FKBP1B: variants seen among roughly 807,000 people sequenced by gnomAD.
FKBP1B encodes the protein FKBP prolyl isomerase 1B.
In FKBP1B, 4 loss-of-function variants were observed where a neutral mutation model predicts 13.5. The ratio of observed to expected loss-of-function variants is 0.30; its 90% CI spans 0.15 to 0.68. FKBP1B has a LOEUF of 0.68. Ranked by LOEUF, FKBP1B falls within the 30% of genes least tolerant of loss-of-function variation. The pLI is 0.76. For missense variants in FKBP1B, 93 were observed against 136.2 expected (o/e 0.68, Z 1.58); for synonymous variants, 54 against 53.6 (o/e 1.01, Z -0.03).
At chr2:24,049,118 T>G (rs1174564097), upstream of FKBP1B, among the ~76,000 whole-genome samples, 1 of 152,132 alleles carries the variant, frequency 6.6e-6, no homozygotes, top group Non-Finnish European at 1.5e-5. Context: ...CGCTCTGAAC[T>G]GCACGGCACT....
At chr2:24,035,176 A>G in the FKBP1B span, among the ~76,000 whole-genome samples, 5 of 151,980 alleles carry the variant, frequency 3.3e-5, no homozygotes, top group Middle Eastern at 3.4e-3. Flanking sequence ...CAACAAGTAT[A>G]TATTACTTTT....
chr2:24,040,627 T>C, the FKBP1B span, among the ~76,000 whole-genome samples: 1 of 152,264 alleles, frequency 6.6e-6, no homozygotes. Context: ...TATCTTACAA[T>C]AATCTTTTAA....
intron 2 of FKBP1B, among the ~76,000 whole-genome samples, chr2:24,057,049 T>C (rs899038017): frequency 6.6e-6 from 1 of 152,212 alleles, no homozygotes; most frequent in Non-Finnish European, 1.5e-5. Flanking sequence ...TATGAGTCTT[T>C]TGTTGGTTAT....
the FKBP1B span, among the ~76,000 whole-genome samples, chr2:24,034,994 A>T: frequency 1.3e-5 from 2 of 151,794 alleles, no homozygotes; most frequent in South Asian, 2.1e-4. Context: ...AGAAAATTTT[A>T]AAAATAATAT....
At chr2:24,038,244 TGAA>T in the FKBP1B span, 1 of 1,614,190 alleles carries the variant, frequency 6.2e-7, no homozygotes, top group Non-Finnish European at 8.5e-7. Context: ...GATCAGACTT[TGAA>T]GAAGGAAGAA....
the FKBP1B span, among the ~76,000 whole-genome samples, chr2:24,041,535 C>T: frequency 6.6e-6 from 1 of 152,030 alleles, no homozygotes; most frequent in East Asian, 1.9e-4. Flanking sequence ...AATGGGGTAG[C>T]CAGGCATGGT....
the FKBP1B span, among the ~76,000 whole-genome samples, chr2:24,042,003 G>A: frequency 6.6e-6 from 1 of 152,000 alleles, no homozygotes; most frequent in African/African-American, 2.4e-5. Flanking sequence ...ACTGCCTCAG[G>A]AAAATTATAT....
the FKBP1B span, among the ~76,000 whole-genome samples, chr2:24,039,914 C>T: frequency 6.6e-6 from 1 of 152,062 alleles, no homozygotes; most frequent in Non-Finnish European, 1.5e-5. Flanking sequence ...TCTTCTGCCT[C>T]AGCCTCCAGA....
At chr2:24,043,163 G>A in the FKBP1B span, among the ~76,000 whole-genome samples, 1 of 152,022 alleles carries the variant, frequency 6.6e-6, no homozygotes, top group South Asian at 2.1e-4. Context: ...GCGAAACCTC[G>A]TCTCTACTAA....
chr2:24,052,489 G>C (rs192997135), intron 1 of FKBP1B, among the ~76,000 whole-genome samples: 55 of 152,164 alleles, frequency 3.6e-4, no homozygotes, highest in Non-Finnish European at 6.8e-4. Context: ...CCAGTATTTT[G>C]CTCATCCTTC....
Position 24,049,823 on chromosome 2 carries a change from C to A in FKBP1B, c.-27C>A. The A allele has an allele frequency of 2.9e-6, 4 of 1,367,842 alleles. No homozygotes were observed. Among genetic ancestry groups the A allele is most frequent in the Non-Finnish European group, 2.8e-6 (3 of 1,058,470 alleles). 84.7% of individuals were successfully genotyped at this position (1,367,842 alleles called of 1,614,324 possible). On this transcript the variant is annotated 5_prime_UTR_variant, in exon 1 of 4. Coordinates refer to ENST00000380986, the MANE Select transcript of FKBP1B (RefSeq NM_004116.5). The stretch of plus-strand genomic sequence containing the variant: ...CGGGGTCGGGCAGCAGCAGGGACCC[C>A]CCAGAGGCGGGGCCTGTGGGACCGC...
At chr2:24,047,645 A>G (rs1035387884), upstream of FKBP1B, among the ~76,000 whole-genome samples, 2 of 152,084 alleles carry the variant, frequency 1.3e-5, no homozygotes, top group African/African-American at 4.8e-5. Context: ...CCCTCCCTTA[A>G]GCACTTGAGC....
the FKBP1B span, chr2:24,039,074 T>C: frequency 6.2e-7 from 1 of 1,614,124 alleles, no homozygotes; most frequent in East Asian, 2.2e-5. Context: ...GAGTGAACAT[T>C]AGGGAAAATG....
chr2:24,049,811 C>T lies in FKBP1B; in HGVS notation c.-39C>T. On this transcript the variant is annotated 5_prime_UTR_variant, in exon 1 of 4. Transcript: ENST00000380986. ...CCGGAGCCGAGCCGGGGTCGGGCAG[C>T]AGCAGGGACCCCCCAGAGGCGGGGC... 1 of 1,333,846 alleles carries T rather than the reference C, an allele frequency of 7.5e-7. No individual in the cohort carries two copies. Among genetic ancestry groups the T allele is most frequent in the Non-Finnish European group, 9.6e-7 (1 of 1,040,788 alleles). The allele number at this position is 1,333,846 out of a possible 1,614,324, so 82.6% of individuals were successfully genotyped here.
Position 24,063,281 on chromosome 2 carries a change from C to G in FKBP1B, c.*89C>G. The G allele has an allele frequency of 2.3e-6, 3 of 1,315,260 alleles. No individual in the cohort carries two copies. The highest frequency in any genetic ancestry group is 3.1e-6 in the Non-Finnish European group (3 of 976,336). 81.5% of individuals were successfully genotyped at this position (1,315,260 alleles called of 1,614,324 possible). A position where few individuals can be genotyped will look rare whatever the true frequency, so the allele number is the denominator to read the frequency against. On this transcript the variant is annotated 3_prime_UTR_variant, in exon 4 of 4. Coordinates refer to ENST00000380986, the MANE Select transcript of FKBP1B (RefSeq NM_004116.5). Reference sequence around the variant, plus strand: ...ACTGGGACGGCTCCTGCTTTTGGGGCTCTTGATCAGTGTGCTAACCTCACT... The same window carrying G: ...ACTGGGACGGCTCCTGCTTTTGGGGGTCTTGATCAGTGTGCTAACCTCACT...
At chr2:24,048,256 G>A (rs1286515585), upstream of FKBP1B, among the ~76,000 whole-genome samples, 1 of 151,900 alleles carries the variant, frequency 6.6e-6, no homozygotes. Context: ...GATAACCTGA[G>A]GTCGGGAGTT....
the FKBP1B span, chr2:24,038,304 T>C: frequency 1.9e-6 from 3 of 1,614,224 alleles, no homozygotes; most frequent in Non-Finnish European, 2.5e-6. Flanking sequence ...TTAGTAATAG[T>C]TGGTCTGTCA....
chr2:24,036,101 T>TAAATAAATAAATA, the FKBP1B span, among the ~76,000 whole-genome samples: 1 of 148,288 alleles, frequency 6.7e-6, no homozygotes, highest in Admixed American at 6.7e-5. Flanking sequence ...AATAAATAAA[T>TAAATAAATAAATA]AAATAAAATA....
chr2:24,044,252 A>C, the FKBP1B span, among the ~76,000 whole-genome samples: 1 of 150,904 alleles, frequency 6.6e-6, no homozygotes, highest in South Asian at 2.1e-4. Flanking sequence ...AAAAACAAAC[A>C]TAAGTTTACT....
Sources: gnomAD v4.1 joint callset for allele counts (sites outside exome capture counted in the v4.1 genomes callset) on GRCh38, gnomAD v4.1.1 for gene constraint, MANE v1.5 for transcripts, NCBI Gene and HGNC (gene_info 2026-07-23, HGNC 2026-07-21) for gene names.